Variants in NAV2 observed in about 807,000 individuals in gnomAD.
NAV2 encodes the protein neuron navigator 2.
NAV2 carries 54 observed loss-of-function variants against 223.2 expected under a neutral mutation model. The observed-to-expected ratio is 0.24, with a 90% CI of 0.19 to 0.30. NAV2 has a LOEUF of 0.30. NAV2 is among the 10% of genes least tolerant of loss of function. The pLI is 1.00. For synonymous variants in NAV2, 1,279 were observed against 1,239.3 expected (o/e 1.03, Z -0.67); for missense variants, 2,806 against 3,147.5 (o/e 0.89, Z 2.60).
chr11:19,442,973 G>C (rs1851456917), intron 1 of NAV2, among the ~76,000 whole-genome samples: 1 of 152,130 alleles, frequency 6.6e-6, no homozygotes, highest in Non-Finnish European at 1.5e-5. Context: ...CCCGCCCAAA[G>C]AGGTCCCCCT....
At chr11:20,052,134 A>G (rs113240368) in intron 17 of NAV2, among the ~76,000 whole-genome samples, 2 of 152,366 alleles carry the variant, frequency 1.3e-5, no homozygotes, top group African/African-American at 4.8e-5. Context: ...CATGCCCTGT[A>G]GCATCAGCTT....
chr11:19,906,382 G>A (rs1260739199), intron 6 of NAV2, among the ~76,000 whole-genome samples: 1 of 152,180 alleles, frequency 6.6e-6, no homozygotes, highest in Non-Finnish European at 1.5e-5. Context: ...CCTACTGAAG[G>A]AGGAGCTGCA....
intron 1 of NAV2, among the ~76,000 whole-genome samples, chr11:19,593,372 C>A (rs2135164371): frequency 6.6e-6 from 1 of 152,008 alleles, no homozygotes; most frequent in African/African-American, 2.4e-5. Flanking sequence ...ATGGATATGC[C>A]ACCAATATAC....
At chr11:20,013,735 G>T (rs891627763) in intron 11 of NAV2, among the ~76,000 whole-genome samples, 1 of 152,212 alleles carries the variant, frequency 6.6e-6, no homozygotes, top group Non-Finnish European at 1.5e-5. Flanking sequence ...TCTGTCCCCA[G>T]TAGGGGACAG....
chr11:19,844,952 G>T (rs144050388), intron 3 of NAV2, among the ~76,000 whole-genome samples: 1 of 152,080 alleles, frequency 6.6e-6, no homozygotes, highest in Admixed American at 6.6e-5. Context: ...CAGCGTACAG[G>T]ATGTGAGTCC....
intron 10 of NAV2, among the ~76,000 whole-genome samples, chr11:19,975,682 C>T (rs72916880): frequency 0.022 from 3,423 of 152,226 alleles, 55 homozygotes; most frequent in Non-Finnish European, 0.035. Context: ...CTCAGGGTAA[C>T]GTGAATTGTA....
At chr11:19,536,979 A>T (rs1370279722) in intron 1 of NAV2, among the ~76,000 whole-genome samples, 1 of 152,226 alleles carries the variant, frequency 6.6e-6, no homozygotes, top group Non-Finnish European at 1.5e-5. Context: ...AGGAGTTCAG[A>T]TTGGCAATTA....
chr11:19,972,142 A>T (rs1365588656), intron 10 of NAV2, among the ~76,000 whole-genome samples: 1 of 152,200 alleles, frequency 6.6e-6, no homozygotes, highest in Non-Finnish European at 1.5e-5. Flanking sequence ...CTCCACAACA[A>T]CTCAAATTTT....
intron 1 of NAV2, among the ~76,000 whole-genome samples, chr11:19,741,874 G>A (rs928021297): frequency 2.6e-5 from 4 of 152,060 alleles, no homozygotes; most frequent in African/African-American, 9.7e-5. Flanking sequence ...ATACCCAGAA[G>A]GGGGATTGCT....
chr11:19,972,257 C>T (rs185166205), intron 10 of NAV2, among the ~76,000 whole-genome samples: 285 of 152,276 alleles, frequency 1.9e-3, no homozygotes, highest in African/African-American at 6.5e-3. Context: ...TACAGACAAC[C>T]AGTGTTCTCA....
chr11:19,994,284 T>C (rs1408865856), intron 11 of NAV2, among the ~76,000 whole-genome samples: 1 of 152,094 alleles, frequency 6.6e-6, no homozygotes, highest in Non-Finnish European at 1.5e-5. Flanking sequence ...TGGTGGCTCA[T>C]GCCTGTAATC....
intron 11 of NAV2, among the ~76,000 whole-genome samples, chr11:20,011,359 A>C (rs931918253): frequency 1.6e-4 from 25 of 152,276 alleles, no homozygotes; most frequent in African/African-American, 5.5e-4. Flanking sequence ...TATATGACAC[A>C]GAGAAATCTA....
chr11:20,083,289 C>T (rs1424986708), intron 26 of NAV2, 110 bp downstream of exon 26: 1 of 873,932 alleles, frequency 1.1e-6, no homozygotes. Flanking sequence ...ATCCTTTATG[C>T]TTTGCTTTAA....
chr11:19,562,402 G>C (rs1191223225), intron 1 of NAV2, among the ~76,000 whole-genome samples: 1 of 152,160 alleles, frequency 6.6e-6, no homozygotes, highest in Non-Finnish European at 1.5e-5. Context: ...ATCTCTGGGG[G>C]CTCCGGGCAT....
intron 6 of NAV2, among the ~76,000 whole-genome samples, chr11:19,903,614 G>A (rs1421109771): frequency 6.6e-6 from 1 of 151,362 alleles, no homozygotes; most frequent in Non-Finnish European, 1.5e-5. Context: ...GTGGAGTGGG[G>A]AAGCTATAAT....
intron 24 of NAV2, among the ~76,000 whole-genome samples, chr11:20,078,442 C>T (rs1246770131): frequency 6.6e-6 from 1 of 152,190 alleles, no homozygotes; most frequent in Non-Finnish European, 1.5e-5. Context: ...CTGAGTTCCT[C>T]CCTTATTTGT....
At chr11:20,068,449 C>A in intron 22 of NAV2, 51 bp downstream of exon 22, 1 of 1,365,664 alleles carries the variant, frequency 7.3e-7, no homozygotes, top group Non-Finnish European at 1.0e-6. Context: ...ACCATCCTTG[C>A]CTTCTGAACA....
chr11:19,490,606 T>C (rs2042592967), intron 1 of NAV2, among the ~76,000 whole-genome samples: 1 of 152,202 alleles, frequency 6.6e-6, no homozygotes, highest in Non-Finnish European at 1.5e-5. Context: ...TAATTCTAGT[T>C]CTCTTGCTAT....
chr11:19,966,523 C>T (rs1254390722), intron 10 of NAV2, among the ~76,000 whole-genome samples: 2 of 152,192 alleles, frequency 1.3e-5, no homozygotes, highest in Non-Finnish European at 2.9e-5. Context: ...ACCACCCGTC[C>T]TCTCCCCACC....
Sources: allele counts gnomAD v4.1 joint callset (sites outside exome capture counted in the v4.1 genomes callset), GRCh38; gene constraint gnomAD v4.1.1; transcripts MANE v1.5; gene names NCBI Gene and HGNC (gene_info 2026-07-23, HGNC 2026-07-21).